Variants in SPMIP7 observed in about 807,000 individuals in gnomAD.
SPMIP7 encodes sperm microtubule inner protein 7, also known as protein SPMIP7.
chr7:50,133,060 G>A, the SPMIP7 span, among the ~76,000 whole-genome samples: 1 of 152,130 alleles, frequency 6.6e-6, no homozygotes, highest in East Asian at 1.9e-4. Context: ...AGTGTGAATA[G>A]GGCAGGAGAA....
At chr7:50,127,378 A>G in the SPMIP7 span, among the ~76,000 whole-genome samples, 4 of 151,928 alleles carry the variant, frequency 2.6e-5, no homozygotes, top group African/African-American at 9.7e-5. Flanking sequence ...CCTCAAAAGC[A>G]CAGTCAACAA....
the SPMIP7 span, among the ~76,000 whole-genome samples, chr7:50,122,199 A>G: frequency 6.6e-6 from 1 of 152,176 alleles, no homozygotes; most frequent in South Asian, 2.1e-4. Flanking sequence ...ATGTATGACA[A>G]CTGTAGAGTA....
the SPMIP7 span, chr7:50,136,029 A>G: frequency 8.7e-7 from 1 of 1,147,938 alleles, no homozygotes. Flanking sequence ...TGTCAAGGGG[A>G]CAGGAGTTTA....
At chr7:50,133,968 T>A in the SPMIP7 span, 22 of 628,826 alleles carry the variant, frequency 3.5e-5, no homozygotes, top group Non-Finnish European at 5.5e-5. Flanking sequence ...CCAGGGGAGG[T>A]GATTATATAT....
At chr7:50,141,098 G>A in the SPMIP7 span, among the ~76,000 whole-genome samples, 1 of 152,218 alleles carries the variant, frequency 6.6e-6, no homozygotes, top group Non-Finnish European at 1.5e-5. Context: ...TTCTGAAGAA[G>A]AGAAAATTAT....
chr7:50,109,184 A>G, the SPMIP7 span, among the ~76,000 whole-genome samples: 27 of 152,086 alleles, frequency 1.8e-4, no homozygotes, highest in Non-Finnish European at 3.4e-4. Context: ...AGAATAAACC[A>G]TTTTCACTGG....
At chr7:50,141,081 C>T in the SPMIP7 span, among the ~76,000 whole-genome samples, 1 of 152,322 alleles carries the variant, frequency 6.6e-6, no homozygotes, top group African/African-American at 2.4e-5. Context: ...GAGCATGCCA[C>T]CGCTCATTCT....
the SPMIP7 span, among the ~76,000 whole-genome samples, chr7:50,111,088 T>C: frequency 6.8e-6 from 1 of 146,842 alleles, no homozygotes; most frequent in Non-Finnish European, 1.5e-5. Context: ...TGTTCTATTA[T>C]ATTATATGTG....
chr7:50,154,094 G>T, the SPMIP7 span, among the ~76,000 whole-genome samples: 1 of 151,970 alleles, frequency 6.6e-6, no homozygotes, highest in East Asian at 1.9e-4. Flanking sequence ...CTCAATATTT[G>T]CATGTATTTA....
chr7:50,111,981 A>G, the SPMIP7 span, among the ~76,000 whole-genome samples: 135 of 152,340 alleles, frequency 8.9e-4, no homozygotes, highest in Admixed American at 1.6e-3. Context: ...GTACTACACC[A>G]CTACAAATTG....
the SPMIP7 span, among the ~76,000 whole-genome samples, chr7:50,134,747 C>A: frequency 2.0e-5 from 3 of 152,208 alleles, no homozygotes; most frequent in Non-Finnish European, 4.4e-5. Flanking sequence ...TCAGTAGTGA[C>A]ACTCATTCTT....
At chr7:50,159,095 C>T in the SPMIP7 span, 1 of 1,551,946 alleles carries the variant, frequency 6.4e-7, no homozygotes. Context: ...CCAGGCTCCC[C>T]TGTCTCGACT....
At chr7:50,140,205 TA>T in the SPMIP7 span, 7 of 1,433,538 alleles carry the variant, frequency 4.9e-6, no homozygotes, top group Middle Eastern at 1.8e-4. Context: ...CTCAGTCTTG[TA>T]AAAAAATTTT....
At chr7:50,143,444 G>T in the SPMIP7 span, among the ~76,000 whole-genome samples, 19 of 152,282 alleles carry the variant, frequency 1.2e-4, no homozygotes, top group South Asian at 3.7e-3. Context: ...TGGGATTAAG[G>T]TGTCAGCCAC....
chr7:50,123,420 G>A, the SPMIP7 span, among the ~76,000 whole-genome samples: 1 of 117,738 alleles, frequency 8.5e-6, no homozygotes, highest in African/African-American at 3.2e-5. Context: ...ACTGTTGTGG[G>A]GTGGGGGAAG....
chr7:50,131,227 T>C, the SPMIP7 span, among the ~76,000 whole-genome samples: 2 of 152,248 alleles, frequency 1.3e-5, no homozygotes, highest in Admixed American at 6.5e-5. Flanking sequence ...GTATGTCGAA[T>C]GTAGAGCCAA....
At chr7:50,140,575 T>C in the SPMIP7 span, among the ~76,000 whole-genome samples, 1 of 152,230 alleles carries the variant, frequency 6.6e-6, no homozygotes, top group Non-Finnish European at 1.5e-5. Flanking sequence ...CACCTCTTAA[T>C]TTCTACATTT....
chr7:50,109,746 A>G, the SPMIP7 span, among the ~76,000 whole-genome samples: 2 of 152,170 alleles, frequency 1.3e-5, no homozygotes, highest in Admixed American at 6.5e-5. Context: ...TATTTTTATT[A>G]TATCTACCTC....
the SPMIP7 span, among the ~76,000 whole-genome samples, chr7:50,115,082 C>A: frequency 6.7e-6 from 1 of 149,680 alleles, no homozygotes; most frequent in East Asian, 1.9e-4. Flanking sequence ...CACAAGAAAA[C>A]CATGTGAAAT....
Sources: allele counts gnomAD v4.1 joint callset (sites outside exome capture counted in the v4.1 genomes callset), GRCh38; gene constraint gnomAD v4.1.1; transcripts MANE v1.5; gene names NCBI Gene and HGNC (gene_info 2026-07-23, HGNC 2026-07-21).